The following ZNF485 variants were observed in gnomAD, a reference collection of about 807,000 sequenced individuals.
ZNF485 encodes the protein zinc finger protein 485.
ZNF485 carries 9 observed loss-of-function variants against 10.8 expected under a neutral mutation model. The observed-to-expected ratio is 0.83, with a 90% CI of 0.50 to 1.45. The LOEUF is 1.45. Ranked by LOEUF, ZNF485 falls within the 40% of genes most tolerant of loss-of-function variation. The probability of loss-of-function intolerance (pLI) is 0.00; values close to 1 mark genes in which losing one functional copy is unlikely to be tolerated. For synonymous variants in ZNF485, 187 were observed against 181.0 expected, an observed-to-expected ratio of 1.03 and a Z score of -0.27; for missense variants, 487 against 528.0, an observed-to-expected ratio of 0.92 and a Z score of 0.76.
At position 43,617,453 on chromosome 10, in the gene ZNF485, T is replaced by A; in HGVS notation, c.*84T>A. On this transcript the variant is annotated 3_prime_UTR_variant, in exon 5 of 5. Transcript: ENST00000361807. ...TAAATTATGCATTTAACAGAAATAC[T>A]CTGTACTTCTGAGAGAACACATCAC... 5.1e-6 allele frequency: 5 copies of A among 975,864 alleles called. No individual in the cohort carries two copies. Among genetic ancestry groups the A allele is most frequent in the Non-Finnish European group, 7.6e-6 (5 of 661,136 alleles). The allele number at this position is 975,864 out of a possible 1,614,324, so 60.5% of individuals were successfully genotyped here.
intron 2 of ZNF485, 57 bp from the exon 3 acceptor site, chr10:43,608,557 C>A: frequency 6.4e-7 from 1 of 1,555,392 alleles, no homozygotes; most frequent in South Asian, 1.2e-5. Context: ...GCTTCCTTCT[C>A]TTGGGATGCC....
At chr10:43,607,104 A>G in intron 2 of ZNF485, 30 bp downstream of exon 2, 1 of 1,550,804 alleles carries the variant, frequency 6.4e-7, no homozygotes, top group Non-Finnish European at 8.7e-7. Context: ...TTCTTGAGAA[A>G]CCACGTGTTT....
At chr10:43,612,408 C>T (rs1838784487) in intron 4 of ZNF485, among the ~76,000 whole-genome samples, 2 of 151,816 alleles carry the variant, frequency 1.3e-5, no homozygotes, top group South Asian at 2.1e-4. Flanking sequence ...TATTTTTATC[C>T]TTTAGTCTAG....
intron 4 of ZNF485, among the ~76,000 whole-genome samples, chr10:43,609,685 T>C (rs914514803): frequency 6.6e-6 from 1 of 152,012 alleles, no homozygotes; most frequent in Non-Finnish European, 1.5e-5. Context: ...TCTTTCTTTC[T>C]TTTTTTTATA....
rs1838860832 is a variant in ZNF485 at position 43,616,543 on chromosome 10, T to C, written c.500T>C (p.Phe167Ser). The change falls in exon 5 of 5, where the codon TTT becomes TCT. Residue 167 changes from phenylalanine (F) to serine (S), a missense_variant. Physicochemically the swap from Phe to Ser is radical, Grantham distance 155. Coordinates refer to ENST00000361807, the MANE Select transcript of ZNF485 (RefSeq NM_145312.4). ...AAATGTAAAGAATGTGGGATCGCCT[T>C]TATGAACAGTTCATCCCTTTTAAAT... ...PHKCKECGIA[F>S]MNSSSLLNHH... 6.2e-7 allele frequency: 1 copy of C among 1,614,216 alleles called. No individual in the cohort carries two copies.
chr10:43,608,963 C>T (rs1838713118), intron 3 of ZNF485, among the ~76,000 whole-genome samples: 2 of 152,094 alleles, frequency 1.3e-5, no homozygotes, highest in African/African-American at 4.8e-5. Context: ...GCCAACTAGC[C>T]CAGTTCTGGA....
rs554263526 is a variant in ZNF485, at chr10:43,606,481, C to A, written c.-120C>A. Reference sequence around the variant, plus strand: ...CAGCCCCTGGCTGGTGGTTACTGTCCGAACGGCGTGGTGTGGTCGCTGACT... The same window carrying A: ...CAGCCCCTGGCTGGTGGTTACTGTCAGAACGGCGTGGTGTGGTCGCTGACT... On this transcript the variant is annotated 5_prime_UTR_variant, in exon 1 of 5. Coordinates refer to ENST00000361807, the MANE Select transcript of ZNF485 (RefSeq NM_145312.4). The A allele has an allele frequency of 2.6e-6, 1 of 388,244 alleles. No homozygotes were observed. The allele number at this position is 388,244 out of a possible 1,614,324, so 24.0% of individuals were successfully genotyped here.
chr10:43,608,799 C>T (rs1838709401), intron 3 of ZNF485, 59 bp downstream of exon 3: 3 of 1,590,032 alleles, frequency 1.9e-6, no homozygotes, highest in East Asian at 2.2e-5. Context: ...TGTGTTTTCA[C>T]AGGGTGAATG....
At chr10:43,616,220 A>G in intron 4 of ZNF485, 71 bp from the exon 5 acceptor site, 1 of 1,243,120 alleles carries the variant, frequency 8.0e-7, no homozygotes. Flanking sequence ...ACATTATTCA[A>G]GTCCTTGCAC....
In ZNF485 at chr10:43,617,234, T is replaced by C. The variant is rs1564484955; in HGVS notation, c.1191T>C (p.Leu397=). 3.7e-6 allele frequency: 6 copies of C among 1,614,174 alleles called. No homozygotes were observed. Among genetic ancestry groups the C allele is most frequent in the Non-Finnish European group, 5.1e-6 (6 of 1,180,028 alleles). ...AAGCCTTTCGGCACAGCTCAGGCCT[T>C]GTTGAACATCAGAGACTCCATACTG... ...CGKAFRHSSG[L]VEHQRLHTGE... Residue 397 remains leucine, a synonymous_variant, in exon 5 of 5, where the codon CTT becomes CTC. Coordinates refer to ENST00000361807, the MANE Select transcript of ZNF485 (RefSeq NM_145312.4).
At position 43,616,704 on chromosome 10, in the gene ZNF485, A is replaced by C; in HGVS notation, c.661A>C (p.Lys221Gln). ...ACCCCACAAATGCATTGAATGTGGA[A>C]AAACTTTCAGAAAGAACTCAATCCT... ...EKPHKCIECGKTFRKNSILLS... is the reference protein window; with the variant it reads ...EKPHKCIECGQTFRKNSILLS... Residue 221 changes from lysine to glutamine, a missense_variant, in exon 5 of 5, where the codon AAA becomes CAA. Coordinates refer to ENST00000361807, the MANE Select transcript of ZNF485 (RefSeq NM_145312.4). 1 of 1,614,164 alleles carries C rather than the reference A, an allele frequency of 6.2e-7. No homozygotes were observed. Among genetic ancestry groups the C allele is most frequent in the Non-Finnish European group, 8.5e-7 (1 of 1,180,034 alleles).
intron 4 of ZNF485, among the ~76,000 whole-genome samples, chr10:43,613,555 T>A (rs1353869501): frequency 2.0e-5 from 3 of 152,230 alleles, no homozygotes; most frequent in Non-Finnish European, 4.4e-5. Context: ...GCTTGGAAAA[T>A]CACTGTTCTA....
intron 3 of ZNF485, 99 bp from the exon 4 acceptor site, chr10:43,609,156 C>T (rs1838716016): frequency 2.2e-6 from 2 of 895,528 alleles, no homozygotes; most frequent in East Asian, 2.6e-5. Context: ...CAAGTTGACA[C>T]TGAGGTCTGG....
At position 43,616,398 on chromosome 10, in the gene ZNF485, G is replaced by A; in HGVS notation, c.355G>A (p.Asp119Asn). ...TKSVMMEKGLDWEGRSSTEKN... is the reference protein window; with the variant it reads ...TKSVMMEKGLNWEGRSSTEKN... ...AAGTGTCATGATGGAAAAAGGCCTG[G>A]ACTGGGAGGGCAGAAGCTCCACAGA... The change falls in exon 5 of 5, where the codon GAC becomes AAC. Residue 119 changes from aspartate to asparagine, a missense_variant. By Grantham distance (23) the Asp-to-Asn change is conservative (BLOSUM62 1). Coordinates refer to ENST00000361807, the MANE Select transcript of ZNF485 (RefSeq NM_145312.4). 1 of 1,614,178 alleles carries A rather than the reference G, an allele frequency of 6.2e-7. No homozygotes were observed. The highest frequency in any genetic ancestry group is 8.5e-7 in the Non-Finnish European group (1 of 1,180,032).
intron 4 of ZNF485, among the ~76,000 whole-genome samples, chr10:43,615,088 A>G (rs1838829272): frequency 6.6e-6 from 1 of 152,130 alleles, no homozygotes; most frequent in Non-Finnish European, 1.5e-5. Flanking sequence ...TTCAACTTAC[A>G]TTTCCTTGAA....
Position 43,616,580 on chromosome 10 carries a change from T to A in ZNF485, c.537T>A (p.Val179=), listed in dbSNP as rs747158980. 6.2e-7 allele frequency: 1 copy of A among 1,614,242 alleles called. No homozygotes were observed. Among genetic ancestry groups the A allele is most frequent in the Non-Finnish European group, 8.5e-7 (1 of 1,180,036 alleles). ...NSSSLLNHHK[V]HAGKQPYRCI... ...CATCCCTTTTAAATCACCATAAGGT[T>A]CATGCAGGCAAACAGCCTTATAGAT... The change falls in exon 5 of 5, where the codon GTT becomes GTA. Residue 179 remains valine, a synonymous_variant. Coordinates refer to ENST00000361807, the MANE Select transcript of ZNF485 (RefSeq NM_145312.4).
In ZNF485 at chr10:43,608,932, T is replaced by C. The variant is rs7342015; in HGVS notation, c.151+192T>C. Among the ~76,000 whole-genome samples the C allele has an allele frequency of 3.6e-3, 555 of 152,326 alleles. 2 individuals carry two copies. Among genetic ancestry groups the C allele is most frequent in the African/African-American group, 0.012 (519 of 41,574 alleles). ...AAGAAAGGTCAGAGCCATACAGAGT[T>C]AAGATGGGTAGCTTTGTGGTGCCAA... is the stretch of plus-strand genomic sequence containing the variant. On this transcript the variant is annotated intron_variant, in intron 3 of 4. Transcript: ENST00000361807.
At chr10:43,614,802 T>C (rs1838825205) in intron 4 of ZNF485, among the ~76,000 whole-genome samples, 2 of 152,216 alleles carry the variant, frequency 1.3e-5, no homozygotes, top group Admixed American at 6.5e-5. Flanking sequence ...TTTTTATGTT[T>C]ACATTTACCA....
chr10:43,612,654 CT>C (rs1838787218), intron 4 of ZNF485, among the ~76,000 whole-genome samples: 1 of 152,110 alleles, frequency 6.6e-6, no homozygotes. Context: ...AACAAAGTAG[CT>C]TTTTATAACT....
Sources: allele counts gnomAD v4.1 joint callset (sites outside exome capture counted in the v4.1 genomes callset), GRCh38; gene constraint gnomAD v4.1.1; transcripts MANE v1.5; gene names NCBI Gene and HGNC (gene_info 2026-07-23, HGNC 2026-07-21).